ADGRL2: variants seen among roughly 807,000 people sequenced by gnomAD.
ADGRL2 encodes the protein calcium-independent alpha-latrotoxin receptor 2.
A neutral mutation model predicts 157.4 loss-of-function variants in ADGRL2; 44 were observed. The ratio of observed to expected loss-of-function variants is 0.28; its 90% confidence interval spans 0.22 to 0.36. The LOEUF is 0.36. Ranked by LOEUF, ADGRL2 falls within the 10% of genes least tolerant of loss-of-function variation. The probability of loss-of-function intolerance (pLI) is 1.00; values close to 1 mark genes in which losing one functional copy is unlikely to be tolerated. For synonymous variants in ADGRL2, 585 were observed against 624.7 expected (o/e 0.94, Z 0.95); for missense variants, 1,510 against 1,768.9 (o/e 0.85, Z 2.63).
chr1:81,510,564 T>C (rs1241223733), intron 2 of ADGRL2, among the ~76,000 whole-genome samples: 1 of 152,044 alleles, frequency 6.6e-6, no homozygotes, highest in East Asian at 1.9e-4. Flanking sequence ...ATTCTCAAGG[T>C]TGGAAATAGA....
rs59007571 is a variant in ADGRL2, at chr1:81,435,602, G to A, written c.-301-9434G>A. On this transcript the variant is annotated intron_variant, in intron 1 of 24. Coordinates refer to the ADGRL2 transcript ENST00000370721. ...AACAATCCATTTCTTCAAAACATCG[G>A]GACTATATATATTTAATTCAAGATG... 5.9e-3 allele frequency among the ~76,000 whole-genome samples: 896 copies of A among 152,118 alleles called. 12 individuals are homozygous for A. Among genetic ancestry groups the A allele is most frequent in the African/African-American group, 0.02 (838 of 41,498 alleles).
At chr1:81,663,341 C>G (rs997107832) in intron 3 of ADGRL2, among the ~76,000 whole-genome samples, 3 of 152,104 alleles carry the variant, frequency 2.0e-5, no homozygotes, top group African/African-American at 7.2e-5. Context: ...TTAGGCAGCT[C>G]CATCCCTCAC....
chr1:81,789,845 T>A (rs2149412406), intron 2 of ADGRL2, among the ~76,000 whole-genome samples: 1 of 152,114 alleles, frequency 6.6e-6, no homozygotes, highest in East Asian at 1.9e-4. Context: ...AATAAAAAAA[T>A]TTCTGGTGAT....
At chr1:81,337,770 A>T (rs952602587) in intron 1 of ADGRL2, among the ~76,000 whole-genome samples, 13 of 151,816 alleles carry the variant, frequency 8.6e-5, no homozygotes, top group African/African-American at 3.1e-4. Context: ...ACCCTGGCAG[A>T]CTCTTTTTTT....
intron 2 of ADGRL2, among the ~76,000 whole-genome samples, chr1:81,511,230 C>T (rs938237771): frequency 6.6e-6 from 1 of 151,874 alleles, no homozygotes; most frequent in African/African-American, 2.4e-5. Context: ...AGGATGTTGT[C>T]TTTCTTTGAA....
At chr1:81,420,263 C>T (rs1441271997) in intron 1 of ADGRL2, among the ~76,000 whole-genome samples, 1 of 152,192 alleles carries the variant, frequency 6.6e-6, no homozygotes, top group African/African-American at 2.4e-5. Context: ...TATCCTCCCT[C>T]CAAAGGACTT....
At chr1:81,602,628 G>T (rs1029713913) in intron 3 of ADGRL2, among the ~76,000 whole-genome samples, 4 of 150,478 alleles carry the variant, frequency 2.7e-5, no homozygotes, top group African/African-American at 9.8e-5. Context: ...GCTGGACATG[G>T]TGGCTCATGC....
intron 1 of ADGRL2, among the ~76,000 whole-genome samples, chr1:81,351,293 G>T (rs1237914090): frequency 1.3e-5 from 2 of 151,236 alleles, no homozygotes; most frequent in African/African-American, 4.9e-5. Flanking sequence ...AAAACTGCTG[G>T]TAACTTCTAA....
At chr1:81,940,300 G>T (rs1293187737) in intron 4 of ADGRL2, among the ~76,000 whole-genome samples, 1 of 151,444 alleles carries the variant, frequency 6.6e-6, no homozygotes, top group East Asian at 1.9e-4. Context: ...TAGTCACAAC[G>T]CTAATGATTT....
At chr1:81,352,950 A>G (rs1663017605) in intron 1 of ADGRL2, among the ~76,000 whole-genome samples, 1 of 152,150 alleles carries the variant, frequency 6.6e-6, no homozygotes, top group Non-Finnish European at 1.5e-5. Context: ...TTTTTTTTAA[A>G]TATTCAAAGA....
intron 1 of ADGRL2, among the ~76,000 whole-genome samples, chr1:81,443,072 A>G (rs1435350156): frequency 6.6e-6 from 1 of 152,208 alleles, no homozygotes; most frequent in Non-Finnish European, 1.5e-5. Flanking sequence ...TAACTAATCT[A>G]TACTCTAAAA....
chr1:81,819,877 G>T (rs746657796), intron 1 of ADGRL2, among the ~76,000 whole-genome samples: 1 of 152,072 alleles, frequency 6.6e-6, no homozygotes, highest in Non-Finnish European at 1.5e-5. Flanking sequence ...TTTTCAGAAA[G>T]CTTAGGGATA....
chr1:81,353,516 G>C (rs1441976625), intron 1 of ADGRL2, among the ~76,000 whole-genome samples: 1 of 152,148 alleles, frequency 6.6e-6, no homozygotes, highest in Non-Finnish European at 1.5e-5. Flanking sequence ...GAATTTCAGG[G>C]ATGATGAGAG....
At chr1:81,735,584 G>T (rs867173817) in intron 1 of ADGRL2, among the ~76,000 whole-genome samples, 1 of 151,468 alleles carries the variant, frequency 6.6e-6, no homozygotes, top group Non-Finnish European at 1.5e-5. Context: ...GAGGTGAGGA[G>T]CTCAAGAACA....
intron 1 of ADGRL2, among the ~76,000 whole-genome samples, chr1:81,333,842 G>A (rs1027130354): frequency 6.6e-6 from 1 of 151,868 alleles, no homozygotes; most frequent in African/African-American, 2.4e-5. Context: ...AATTATTACT[G>A]TAATGAGATT....
At chr1:81,448,045 G>T (rs112864009) in intron 2 of ADGRL2, among the ~76,000 whole-genome samples, 1 of 151,538 alleles carries the variant, frequency 6.6e-6, no homozygotes, top group Admixed American at 6.6e-5. Flanking sequence ...TAAGTTTCCT[G>T]AGGCCTCCCA....
At chr1:81,760,810 TTC>T (rs2085855324) in intron 1 of ADGRL2, among the ~76,000 whole-genome samples, 2 of 152,010 alleles carry the variant, frequency 1.3e-5, no homozygotes, top group East Asian at 3.9e-4. Flanking sequence ...AATAAAGTAT[TTC>T]TGTGTTTAAA....
In ADGRL2 at chr1:81,804,524, G is replaced by T. The variant is rs2088816048; in HGVS notation, c.-101+3456G>T. Among the ~76,000 whole-genome samples, 4 of 152,286 alleles carry T rather than the reference G, an allele frequency of 2.6e-5. No individual in the cohort carries two copies. In the South Asian group the frequency reaches 8.3e-4, roughly 32 times the overall value. On this transcript the variant is annotated intron_variant, in intron 1 of 23. Coordinates refer to ENST00000686636, the MANE Select transcript of ADGRL2 (RefSeq NM_001366006.2). ...CCAAAGGGCAATGAGAATTGTAAAGGGTAAAAATAGGGAGGTGGATTCAGG... is the reference window on the plus strand; with the variant it reads ...CCAAAGGGCAATGAGAATTGTAAAGTGTAAAAATAGGGAGGTGGATTCAGG...
intron 2 of ADGRL2, among the ~76,000 whole-genome samples, chr1:81,770,871 G>T (rs2086342027): frequency 6.6e-6 from 1 of 152,006 alleles, no homozygotes; most frequent in African/African-American, 2.4e-5. Context: ...TATATGTGTA[G>T]TTATTTATTT....
Sources: gnomAD v4.1 joint callset for allele counts (sites outside exome capture counted in the v4.1 genomes callset) on GRCh38, gnomAD v4.1.1 for gene constraint, MANE v1.5 for transcripts, NCBI Gene and HGNC (gene_info 2026-07-23, HGNC 2026-07-21) for gene names.